GPC5: variants seen among roughly 807,000 people sequenced by gnomAD.
The protein encoded by GPC5 is glypican-5.
A neutral mutation model predicts 53.9 loss-of-function variants in GPC5; 47 were observed. The observed-to-expected ratio is 0.87, with a 90% CI of 0.69 to 1.11. The LOEUF (loss-of-function observed/expected upper bound fraction) is 1.11. Among genes scored for constraint, GPC5 ranks in the 50% most tolerant of loss-of-function variants. The pLI is 0.00. For synonymous variants in GPC5, 286 were observed against 263.3 expected (o/e 1.09, Z -0.84); for missense variants, 748 against 713.1 (o/e 1.05, Z -0.56).
At chr13:91,488,700 G>C (rs2139244274) in intron 2 of GPC5, among the ~76,000 whole-genome samples, 1 of 152,292 alleles carries the variant, frequency 6.6e-6, no homozygotes, top group South Asian at 2.1e-4. Flanking sequence ...TCAGGACCCT[G>C]TGATAATTGT....
intron 7 of GPC5, among the ~76,000 whole-genome samples, chr13:92,682,039 C>A (rs971779332): frequency 6.6e-6 from 1 of 152,118 alleles, no homozygotes; most frequent in African/African-American, 2.4e-5. Flanking sequence ...CCATTTGTAT[C>A]CCCAGTGTGT....
At chr13:91,740,103 C>G (rs1030134993) in intron 4 of GPC5, among the ~76,000 whole-genome samples, 1 of 146,080 alleles carries the variant, frequency 6.8e-6, no homozygotes, top group East Asian at 1.9e-4. Flanking sequence ...CACACCTGCC[C>G]TTGCTTCCCT....
At chr13:91,965,980 A>G (rs995872000) in intron 6 of GPC5, among the ~76,000 whole-genome samples, 2 of 152,180 alleles carry the variant, frequency 1.3e-5, no homozygotes, top group Non-Finnish European at 2.9e-5. Context: ...ATTTTTTACT[A>G]TCTATTGGCA....
chr13:91,981,292 CTTT>C (rs77671844), intron 6 of GPC5, among the ~76,000 whole-genome samples: 13 of 142,394 alleles, frequency 9.1e-5, no homozygotes, highest in African/African-American at 1.8e-4. Flanking sequence ...GAGTTCTTAC[CTTT>C]TTTTTTTTTT....
intron 6 of GPC5, among the ~76,000 whole-genome samples, chr13:92,045,755 C>G (rs1359776055): frequency 6.6e-6 from 1 of 152,098 alleles, no homozygotes; most frequent in African/African-American, 2.4e-5. Context: ...TACAGGAGAA[C>G]TATGGCAACT....
chr13:91,854,723 T>C (rs2038949138), intron 5 of GPC5, among the ~76,000 whole-genome samples: 1 of 151,890 alleles, frequency 6.6e-6, no homozygotes, highest in Admixed American at 6.6e-5. Flanking sequence ...AATAACTTAA[T>C]ATTTCAATGC....
chr13:92,466,151 T>C (rs1878682328), intron 7 of GPC5, among the ~76,000 whole-genome samples: 1 of 150,696 alleles, frequency 6.6e-6, no homozygotes, highest in African/African-American at 2.4e-5. Flanking sequence ...CATAACATCA[T>C]ATTATACCCC....
intron 7 of GPC5, among the ~76,000 whole-genome samples, chr13:92,511,150 A>G (rs1055952850): frequency 3.3e-5 from 5 of 152,166 alleles, no homozygotes; most frequent in African/African-American, 1.2e-4. Flanking sequence ...ATTCTTGAAC[A>G]GACTTTATTT....
At chr13:91,600,540 A>T (rs1253109292) in intron 2 of GPC5, among the ~76,000 whole-genome samples, 1 of 152,142 alleles carries the variant, frequency 6.6e-6, no homozygotes, top group Non-Finnish European at 1.5e-5. Flanking sequence ...TTCTTCAATA[A>T]ATCTGGAAAA....
At chr13:92,497,132 G>T (rs1447880422) in intron 7 of GPC5, among the ~76,000 whole-genome samples, 3 of 152,060 alleles carry the variant, frequency 2.0e-5, no homozygotes, top group Non-Finnish European at 2.9e-5. Context: ...GTCAATTTTC[G>T]CTTTTGTTGC....
At chr13:91,778,932 G>A (rs982061601) in intron 5 of GPC5, among the ~76,000 whole-genome samples, 41 of 152,206 alleles carry the variant, frequency 2.7e-4, no homozygotes, top group Admixed American at 1.8e-3. Flanking sequence ...TTTGCAGCAT[G>A]TGACTACGCT....
At chr13:91,812,856 G>A (rs1401874196) in intron 5 of GPC5, among the ~76,000 whole-genome samples, 4 of 152,112 alleles carry the variant, frequency 2.6e-5, no homozygotes, top group African/African-American at 7.2e-5. Context: ...GAAAGCTCTC[G>A]CTTTTTCTAC....
Position 92,059,636 on chromosome 13 carries a change from T to C in GPC5, c.1402-85194T>C, listed in dbSNP as rs577520906. Among the ~76,000 whole-genome samples the C allele has an allele frequency of 5.9e-5, 9 of 152,152 alleles. No homozygotes were observed. The East Asian group carries it at 1.7e-3, about 29-fold the overall frequency. Reference sequence around the variant, plus strand: ...TAATGACGGTAGGATAGTTTTCCTTTATAAGTATGTACCTTTATTTAGCCA... The same window carrying C: ...TAATGACGGTAGGATAGTTTTCCTTCATAAGTATGTACCTTTATTTAGCCA... On this transcript the variant is annotated intron_variant, in intron 6 of 7. Coordinates refer to ENST00000377067, the MANE Select transcript of GPC5 (RefSeq NM_004466.6).
chr13:92,503,229 C>T (rs974926674), intron 7 of GPC5, among the ~76,000 whole-genome samples: 1 of 151,840 alleles, frequency 6.6e-6, no homozygotes, highest in African/African-American at 2.4e-5. Flanking sequence ...TCCTTACCTC[C>T]CTCCTACTGT....
At chr13:92,711,868 C>T (rs1157151977) in intron 7 of GPC5, among the ~76,000 whole-genome samples, 1 of 151,822 alleles carries the variant, frequency 6.6e-6, no homozygotes, top group Non-Finnish European at 1.5e-5. Context: ...ATAGTAATTA[C>T]ATTGAACTTA....
chr13:92,422,524 A>C lies in GPC5; in HGVS notation c.1561+277535A>C, dbSNP rs1326875660. Among the ~76,000 whole-genome samples the C allele has an allele frequency of 3.2e-3, 408 of 125,756 alleles. 1 individual carries two copies. Among genetic ancestry groups the C allele is most frequent in the African/African-American group, 0.011 (384 of 35,078 alleles). The allele number at this position is 125,756 out of a possible 152,430, so 82.5% of individuals were successfully genotyped here. On this transcript the variant is annotated intron_variant, in intron 7 of 7. Transcript: ENST00000377067. ...CACACACACACACACACACACACAC[A>C]CACACACAACTTCTTGGAAAGAAAA...
chr13:91,518,705 A>G (rs943065478), intron 2 of GPC5, among the ~76,000 whole-genome samples: 1 of 152,110 alleles, frequency 6.6e-6, no homozygotes, highest in Non-Finnish European at 1.5e-5. Context: ...GGTGCCTGCC[A>G]CTATGCCTGG....
intron 7 of GPC5, among the ~76,000 whole-genome samples, chr13:92,565,775 C>T (rs2139034983): frequency 6.6e-6 from 1 of 151,782 alleles, no homozygotes; most frequent in South Asian, 2.1e-4. Context: ...TTAGAAGGGG[C>T]CTATTGATTG....
rs2031922648 is a variant in GPC5, at chr13:91,572,155, GTATACACACACATATGTA to G, written c.326-121027_326-121010del. Among the ~76,000 whole-genome samples, 10 of 133,282 alleles carry G rather than the reference GTATACACACACATATGTA, an allele frequency of 7.5e-5. 3 individuals carry two copies. The highest frequency in any genetic ancestry group is 2.6e-4 in the African/African-American group (9 of 34,888). 87.4% of individuals were successfully genotyped at this position (133,282 alleles called of 152,430 possible). On this transcript the variant is annotated intron_variant, in intron 2 of 7. Coordinates refer to ENST00000377067, the MANE Select transcript of GPC5 (RefSeq NM_004466.6). ...TATACACATATGTATATATACGTGT[GTATACACACACATATGTA>G]TATATACGTGTGTATACACACACAT... is the stretch of plus-strand genomic sequence containing the variant.
Sources: gnomAD v4.1 joint callset for allele counts (sites outside exome capture counted in the v4.1 genomes callset) on GRCh38, gnomAD v4.1.1 for gene constraint, MANE v1.5 for transcripts, NCBI Gene and HGNC (gene_info 2026-07-23, HGNC 2026-07-21) for gene names.